Variants in FBXO27 observed in about 807,000 individuals in gnomAD.
The protein encoded by FBXO27 is F-box protein 27.
FBXO27 carries 28 observed loss-of-function variants against 28.3 expected under a neutral mutation model. That is an observed-to-expected ratio of 0.99 (90% CI 0.73 to 1.36). The LOEUF is 1.36. Among genes scored for constraint, FBXO27 ranks in the 40% most tolerant of loss-of-function variants. FBXO27 has a pLI of 0.00. For synonymous variants in FBXO27, 175 were observed against 167.3 expected (o/e 1.05, Z -0.36); for missense variants, 388 against 394.1 (o/e 0.98, Z 0.13).
chr19:39,031,902 G>A lies in FBXO27; in HGVS notation c.326C>T (p.Pro109Leu). Residue 109 changes from proline to leucine, a missense_variant, in exon 2 of 6, where the codon CCC (proline) becomes CTC (leucine). Physicochemically the swap from Pro to Leu is moderately conservative, Grantham distance 98. Transcript: ENST00000292853. ...CPLGRFCARR[P>L]IGRNLIRNPC... is the part of the protein sequence containing the mutation. The stretch of plus-strand genomic sequence containing the variant: ...GTTGCGAATAAGGTTGCGTCCGATG[G>A]GTCTGCGCGCGCAGAAGCGGCCCAG... 1 of 1,500,240 alleles carries A rather than the reference G, an allele frequency of 6.7e-7. No homozygotes were observed. The highest frequency in any genetic ancestry group is 1.5e-5 in the African/African-American group (1 of 68,738). The allele number at this position is 1,500,240 out of a possible 1,614,324, so 92.9% of individuals were successfully genotyped here. A position where few individuals can be genotyped will look rare whatever the true frequency, so the allele number is the denominator to read the frequency against.
chr19:39,015,825 C>T (rs185194465), intron 1 of FBXO27, among the ~76,000 whole-genome samples: 2 of 152,274 alleles, frequency 1.3e-5, no homozygotes, highest in African/African-American at 2.4e-5. Flanking sequence ...AATCCCAGCA[C>T]TTTGGGAGGC....
chr19:39,013,581 G>A (rs1249924742), intron 2 of FBXO27, among the ~76,000 whole-genome samples: 1 of 151,722 alleles, frequency 6.6e-6, no homozygotes, highest in African/African-American at 2.4e-5. Flanking sequence ...AGTGAGCTGA[G>A]ATCACACCAC....
Position 39,025,298 on chromosome 19 carries a change from C to G in FBXO27, c.*113G>C. 1 of 1,403,508 alleles carries G rather than the reference C, an allele frequency of 7.1e-7. No individual in the cohort carries two copies. The highest frequency in any genetic ancestry group is 1.4e-5 in the African/African-American group (1 of 69,696). The allele number at this position is 1,403,508 out of a possible 1,614,324, so 86.9% of individuals were successfully genotyped here. On this transcript the variant is annotated 3_prime_UTR_variant, in exon 6 of 6. Transcript: ENST00000292853. ...GGGCCTTTGATTGGACCCAGGAATT[C>G]TCAGTATGCCAGGGAGGTACAAGTG... is the stretch of plus-strand genomic sequence containing the variant.
In FBXO27 at chr19:39,032,452, T is replaced by C. The variant is rs2072912232; in HGVS notation, c.-27+51A>G. On this transcript the variant is annotated intron_variant, in intron 1 of 5. Transcript: ENST00000292853. This position sits in a 1 kb window ranked among gnomAD's most constrained non-coding sequence, Gnocchi z 4.7. ...GTCTGTGTGTATGCCCCGAATTGCA[T>C]GCAATCAGCCCCCCTCGGCGGCCGC... 2 of 567,448 alleles carry C rather than the reference T, an allele frequency of 3.5e-6. No homozygotes were observed. Among genetic ancestry groups the C allele is most frequent in the East Asian group, 7.3e-5 (2 of 27,288 alleles). 35.2% of individuals were successfully genotyped at this position (567,448 alleles called of 1,614,324 possible).
Position 39,032,367 on chromosome 19 carries a change from T to G in FBXO27, c.-26-114A>C. The G allele has an allele frequency of 3.4e-6, 4 of 1,188,974 alleles. No individual in the cohort carries two copies. The highest frequency in any genetic ancestry group is 1.6e-5 in the African/African-American group (1 of 61,244). The allele number at this position is 1,188,974 out of a possible 1,614,324, so 73.7% of individuals were successfully genotyped here. Reference sequence around the variant, plus strand: ...CCGTCTTCACCATCCCTGGGCCCCGTCCCCAAGTCCCCATCCCCCAGCCCG... The same window carrying G: ...CCGTCTTCACCATCCCTGGGCCCCGGCCCCAAGTCCCCATCCCCCAGCCCG... On this transcript the variant is annotated intron_variant, in intron 1 of 5. Transcript: ENST00000292853. This position sits in a 1 kb window ranked among gnomAD's most constrained non-coding sequence, Gnocchi z 4.7.
intron 2 of FBXO27, among the ~76,000 whole-genome samples, chr19:39,007,071 A>C (rs1568456220): frequency 1.3e-5 from 2 of 150,208 alleles, no homozygotes; most frequent in African/African-American, 4.9e-5. Context: ...AAAAAAAAAA[A>C]AAAAAAATAC....
chr19:39,027,071 T>C (rs1487968843), intron 4 of FBXO27, 66 bp from the exon 5 acceptor site: 16 of 1,593,624 alleles, frequency 1.0e-5, no homozygotes, highest in African/African-American at 1.3e-5. Context: ...CTGCCTACCT[T>C]GTCCGAATGC....
At chr19:39,018,514 C>T (rs1319968832) in intron 1 of FBXO27, among the ~76,000 whole-genome samples, 1 of 151,986 alleles carries the variant, frequency 6.6e-6, no homozygotes, top group Non-Finnish European at 1.5e-5. Flanking sequence ...CTGAATAACA[C>T]CACGGGACCC....
In FBXO27 at chr19:39,032,168, G is replaced by A. The variant is rs2072910074; in HGVS notation, c.60C>T (p.Pro20=). ...AARVPAPEPE[P]EEALDLSQLP... The stretch of plus-strand genomic sequence containing the variant: ...GTTGGCTCAGGTCCAGCGCCTCTTC[G>A]GGTTCCGGCTCCGGCGCGGGGACCC... Residue 20 remains proline (P), a synonymous_variant, in exon 2 of 6, where the codon CCC becomes CCT. Transcript: ENST00000292853. The surrounding 1 kb of genome is among the most constrained non-coding windows in gnomAD (Gnocchi z 4.7). 2 of 1,523,916 alleles carry A rather than the reference G, an allele frequency of 1.3e-6. No homozygotes were observed. Among genetic ancestry groups the A allele is most frequent in the African/African-American group, 1.5e-5 (1 of 68,922 alleles). 94.4% of individuals were successfully genotyped at this position (1,523,916 alleles called of 1,614,324 possible). A position where few individuals can be genotyped will look rare whatever the true frequency, so the allele number is the denominator to read the frequency against.
downstream of FBXO27, among the ~76,000 whole-genome samples, chr19:39,023,721 C>T (rs1012081458): frequency 6.6e-6 from 1 of 152,076 alleles, no homozygotes; most frequent in Non-Finnish European, 1.5e-5. Flanking sequence ...TCAAACGATT[C>T]TCCTACCTCA....
chr19:39,021,465 T>C (rs2072844820), downstream of FBXO27, among the ~76,000 whole-genome samples: 2 of 152,170 alleles, frequency 1.3e-5, no homozygotes, highest in South Asian at 2.1e-4. Context: ...CTCCACTTAC[T>C]GAATAGTAAA....
intron 4 of FBXO27, 126 bp from the exon 5 acceptor site, chr19:39,027,131 G>T: frequency 8.4e-7 from 1 of 1,194,692 alleles, no homozygotes; most frequent in Non-Finnish European, 1.2e-6. Context: ...CCTGGGAGGT[G>T]ATCTCTGGAC....
chr19:39,014,814 A>G (rs2072812124), intron 1 of FBXO27, among the ~76,000 whole-genome samples: 1 of 152,000 alleles, frequency 6.6e-6, no homozygotes, highest in Admixed American at 6.6e-5. Context: ...AGGGATTTGC[A>G]GAAGACATAT....
At chr19:39,028,842 G>A (rs1432079946) in intron 4 of FBXO27, among the ~76,000 whole-genome samples, 2 of 151,564 alleles carry the variant, frequency 1.3e-5, no homozygotes, top group African/African-American at 2.4e-5. Flanking sequence ...CAGCCTGGGT[G>A]ACAAGTGAAA....
At chr19:39,028,210 G>A (rs530072108) in intron 4 of FBXO27, among the ~76,000 whole-genome samples, 3 of 152,084 alleles carry the variant, frequency 2.0e-5, no homozygotes, top group East Asian at 3.9e-4. Flanking sequence ...CAGCCTGGGC[G>A]ATAGAGGGAG....
Position 39,025,321 on chromosome 19 carries a change from GT to G in FBXO27, c.*89del. 1 of 1,495,404 alleles carries G rather than the reference GT, an allele frequency of 6.7e-7. No homozygotes were observed. Among genetic ancestry groups the G allele is most frequent in the East Asian group, 2.3e-5 (1 of 42,906 alleles). 92.6% of individuals were successfully genotyped at this position (1,495,404 alleles called of 1,614,324 possible). On this transcript the variant is annotated 3_prime_UTR_variant, in exon 6 of 6. Transcript: ENST00000292853. ...TTCTCAGTATGCCAGGGAGGTACAA[GT>G]GCTTGGTTGGTTAATGAGGGGTCCC...
Position 39,031,207 on chromosome 19 carries a change from A to G in FBXO27, c.476+2T>C, listed in dbSNP as rs969395566. Reference sequence around the variant, plus strand: ...GGACCTTTGGATAGCAGGGGCATTCACCTGAATGAAGTCACGAAGCACGTC... The same window carrying G: ...GGACCTTTGGATAGCAGGGGCATTCGCCTGAATGAAGTCACGAAGCACGTC... On this transcript the variant is annotated splice_donor_variant, in intron 3 of 5. Coordinates refer to ENST00000292853, the MANE Select transcript of FBXO27 (RefSeq NM_178820.5). LOFTEE classifies it high-confidence loss of function. 2 of 1,614,016 alleles carry G rather than the reference A, an allele frequency of 1.2e-6. No individual in the cohort carries two copies. Among genetic ancestry groups the G allele is most frequent in the African/African-American group, 2.7e-5 (2 of 75,004 alleles).
chr19:39,023,652 C>T (rs150810215), downstream of FBXO27, among the ~76,000 whole-genome samples: 94 of 151,712 alleles, frequency 6.2e-4, no homozygotes, highest in Non-Finnish European at 1.1e-3. Context: ...CTCGCTCTTT[C>T]GCCCAGGATG....
In FBXO27 at chr19:39,032,204, G is replaced by A. The variant is rs938179209; in HGVS notation, c.24C>T (p.Gly8=). The change falls in exon 2 of 6, where the codon GGC becomes GGT. Residue 8 remains glycine (G), a synonymous_variant. Transcript: ENST00000292853. The surrounding 1 kb of genome is among the most constrained non-coding windows in gnomAD (Gnocchi z 4.7). ...CCGGCGCGGGGACCCGGGCGGCCCG[G>A]CCCCTGGAGACCGAGGCGCCCATGG... MGASVSR[G]RAARVPAPEP... The A allele has an allele frequency of 3.4e-6, 5 of 1,469,398 alleles. No homozygotes were observed. The highest frequency in any genetic ancestry group is 4.5e-6 in the Non-Finnish European group (5 of 1,116,040). 91.0% of individuals were successfully genotyped at this position (1,469,398 alleles called of 1,614,324 possible).
Sources: gnomAD v4.1 joint callset for allele counts (sites outside exome capture counted in the v4.1 genomes callset) on GRCh38, gnomAD v4.1.1 for gene constraint, Gnocchi (gnomAD v3.1) non-coding constraint, MANE v1.5 for transcripts, NCBI Gene and HGNC (gene_info 2026-07-23, HGNC 2026-07-21) for gene names.